The following WDR31 variants were observed in gnomAD, a reference collection of about 807,000 sequenced individuals.
WDR31 encodes WD repeat domain 31, also known as WD repeat-containing protein 31.
WDR31 carries 30 observed loss-of-function variants against 47.3 expected under a neutral mutation model. That is an observed-to-expected ratio of 0.63 (90% CI 0.47 to 0.86). The LOEUF (loss-of-function observed/expected upper bound fraction) is 0.86. WDR31 is among the 40% of genes least tolerant of loss of function. WDR31 has a pLI of 0.00. For synonymous variants in WDR31, 137 were observed against 159.4 expected (o/e 0.86, Z 1.06); for missense variants, 406 against 442.9 (o/e 0.92, Z 0.75).
chr9:113,331,680 C>G (rs1454928139), intron 3 of WDR31, among the ~76,000 whole-genome samples: 1 of 152,202 alleles, frequency 6.6e-6, no homozygotes, highest in African/African-American at 2.4e-5. Flanking sequence ...CTACTGAGCT[C>G]AAGCAATCTG....
intron 5 of WDR31, among the ~76,000 whole-genome samples, chr9:113,324,459 G>A (rs1481889133): frequency 2.0e-5 from 3 of 149,114 alleles, no homozygotes; most frequent in African/African-American, 7.4e-5. Context: ...ACCTGGTCTC[G>A]GTTCACTGCA....
chr9:113,327,564 T>C (rs1833504605), intron 5 of WDR31, among the ~76,000 whole-genome samples: 1 of 152,216 alleles, frequency 6.6e-6, no homozygotes. Context: ...TGATGGTTGA[T>C]TATGTCTTGA....
chr9:113,316,467 C>T lies in WDR31; in HGVS notation c.*282G>A, dbSNP rs1833201795. ...TTACAGGTCATCATTCTGAGCAATA[C>T]ACTTTTTTTGAAGAGTAGTCCTAAA... On this transcript the variant is annotated 3_prime_UTR_variant, in exon 11 of 11. Coordinates refer to ENST00000374193, the MANE Select transcript of WDR31 (RefSeq NM_001012361.4). The T allele has an allele frequency of 6.5e-6, 2 of 310,074 alleles. No homozygotes were observed. Among genetic ancestry groups the T allele is most frequent in the Non-Finnish European group, 1.2e-5 (2 of 167,050 alleles). 19.2% of individuals were successfully genotyped at this position (310,074 alleles called of 1,614,324 possible). A position where few individuals can be genotyped will look rare whatever the true frequency, so the allele number is the denominator to read the frequency against.
intron 10 of WDR31, 76 bp downstream of exon 10, chr9:113,318,399 A>G (rs1833254322): frequency 5.1e-6 from 8 of 1,564,450 alleles, no homozygotes; most frequent in Non-Finnish European, 7.0e-6. Context: ...ATGCTGAGCA[A>G]TGGGAAGAAG....
rs536508042 is a variant in WDR31, at chr9:113,324,389, C to CTTTTTTTTT, written c.325-1243_325-1235dup. On this transcript the variant is annotated intron_variant, in intron 5 of 10. Transcript: ENST00000374193. ...TGTAACATGTATCAGAATTTCATTC[C>CTTTTTTTTT]TTTTTTTTTTTTTTTTTTGAGACAG... is the stretch of plus-strand genomic sequence containing the variant. 3.5e-3 allele frequency among the ~76,000 whole-genome samples: 456 copies of CTTTTTTTTT among 129,016 alleles called. 6 individuals are homozygous for CTTTTTTTTT. The highest frequency in any genetic ancestry group is 0.013 in the African/African-American group (434 of 33,354). 84.6% of individuals were successfully genotyped at this position (129,016 alleles called of 152,430 possible). A position where few individuals can be genotyped will look rare whatever the true frequency, so the allele number is the denominator to read the frequency against.
At chr9:113,333,833 C>T (rs1023467661) in intron 2 of WDR31, among the ~76,000 whole-genome samples, 1 of 152,110 alleles carries the variant, frequency 6.6e-6, no homozygotes, top group African/African-American at 2.4e-5. Flanking sequence ...ATCCATGGAA[C>T]ATGGGGGATT....
In WDR31 at chr9:113,316,257, T is replaced by C. The variant is rs963507228; in HGVS notation, c.*492A>G. On this transcript the variant is annotated 3_prime_UTR_variant, in exon 11 of 11. Transcript: ENST00000374193. The stretch of plus-strand genomic sequence containing the variant: ...AGCAGTGATTGAAGCTTAATCTCAT[T>C]GTCTACAGTCCGTCTCCTCTATGGA... 2.6e-5 allele frequency: 4 copies of C among 152,776 alleles called. No homozygotes were observed. Among genetic ancestry groups the C allele is most frequent in the Admixed American group, 2.0e-4 (3 of 15,366 alleles). 9.5% of individuals were successfully genotyped at this position (152,776 alleles called of 1,614,324 possible). A position where few individuals can be genotyped will look rare whatever the true frequency, so the allele number is the denominator to read the frequency against.
At chr9:113,338,334 T>C (rs1478561537) in intron 1 of WDR31, among the ~76,000 whole-genome samples, 1 of 152,226 alleles carries the variant, frequency 6.6e-6, no homozygotes, top group African/African-American at 2.4e-5. Context: ...TTATGTTACA[T>C]AGCAAGGCAA....
intron 1 of WDR31, among the ~76,000 whole-genome samples, chr9:113,337,450 T>C (rs866427184): frequency 1.2e-4 from 18 of 149,492 alleles, no homozygotes; most frequent in South Asian, 6.4e-4. Context: ...GAAATATTCA[T>C]TGGAGCATTT....
intron 2 of WDR31, among the ~76,000 whole-genome samples, chr9:113,333,464 C>G (rs1223631097): frequency 6.7e-6 from 1 of 148,330 alleles, no homozygotes; most frequent in Non-Finnish European, 1.5e-5. Flanking sequence ...TCACTGCAAG[C>G]TCCGCCTCCC....
At chr9:113,326,317 G>C (rs916189125) in intron 5 of WDR31, among the ~76,000 whole-genome samples, 2 of 152,172 alleles carry the variant, frequency 1.3e-5, no homozygotes, top group Non-Finnish European at 2.9e-5. Flanking sequence ...CTTTACACAT[G>C]AACAACACTC....
intron 1 of WDR31, among the ~76,000 whole-genome samples, chr9:113,338,002 C>G (rs1379003806): frequency 6.6e-6 from 1 of 152,156 alleles, no homozygotes; most frequent in Non-Finnish European, 1.5e-5. Context: ...TGAATCCAGG[C>G]AGTCCAACTC....
chr9:113,337,676 G>C (rs1833746844), intron 1 of WDR31, among the ~76,000 whole-genome samples: 1 of 152,048 alleles, frequency 6.6e-6, no homozygotes, highest in Admixed American at 6.6e-5. Context: ...ATGTTGGCCA[G>C]GCTGGTCTCA....
At chr9:113,328,401 T>C (rs1262034850) in intron 5 of WDR31, among the ~76,000 whole-genome samples, 1 of 152,260 alleles carries the variant, frequency 6.6e-6, no homozygotes, top group Non-Finnish European at 1.5e-5. Flanking sequence ...GGGAATTATA[T>C]AAATTGGCAT....
At chr9:113,329,799 C>T (rs1258995593) in intron 4 of WDR31, among the ~76,000 whole-genome samples, 2 of 151,490 alleles carry the variant, frequency 1.3e-5, no homozygotes, top group Non-Finnish European at 2.9e-5. Flanking sequence ...CATGGAGAAA[C>T]CCCATCTCTA....
chr9:113,321,344 T>C, intron 8 of WDR31, 167 bp downstream of exon 8: 1 of 642,816 alleles, frequency 1.6e-6, no homozygotes, highest in Non-Finnish European at 2.7e-6. Context: ...ACCTTAATGA[T>C]CCATGGGGCC....
chr9:113,329,954 C>A (rs996545361), intron 4 of WDR31, among the ~76,000 whole-genome samples: 1 of 151,950 alleles, frequency 6.6e-6, no homozygotes, highest in African/African-American at 2.4e-5. Context: ...GCACTCCAGC[C>A]TGGGCAACAA....
At chr9:113,326,531 A>G (rs1311475324) in intron 5 of WDR31, among the ~76,000 whole-genome samples, 1 of 151,504 alleles carries the variant, frequency 6.6e-6, no homozygotes, top group African/African-American at 2.4e-5. Context: ...CAATGGCACA[A>G]CTATAGCTCA....
At chr9:113,316,983 T>C (rs1833220386) in intron 10 of WDR31, 74 bp from the exon 11 acceptor site, 1 of 1,522,880 alleles carries the variant, frequency 6.6e-7, no homozygotes, top group East Asian at 2.3e-5. Context: ...TCATGAGAAA[T>C]GCAAGGAAAT....
Sources: allele counts gnomAD v4.1 joint callset (sites outside exome capture counted in the v4.1 genomes callset), GRCh38; gene constraint gnomAD v4.1.1; transcripts MANE v1.5; gene names NCBI Gene and HGNC (gene_info 2026-07-23, HGNC 2026-07-21).